Variants in FAM180B observed in about 807,000 individuals in gnomAD.
FAM180B encodes protein FAM180B.
In FAM180B, 14 loss-of-function variants were observed where a neutral mutation model predicts 13.6. That is an observed-to-expected ratio of 1.03 (90% CI 0.68 to 1.60). The LOEUF is 1.60. FAM180B is among the 40% of genes most tolerant of loss of function. The probability of loss-of-function intolerance (pLI) is 0.00; values close to 1 mark genes in which losing one functional copy is unlikely to be tolerated. For missense variants in FAM180B, 212 were observed against 230.4 expected (o/e 0.92, Z 0.52); for synonymous variants, 109 against 97.0 (o/e 1.12, Z -0.72).
At position 47,588,454 on chromosome 11, in the gene FAM180B, C is replaced by T. The variant is rs1462024629; in HGVS notation, c.*20C>T. The T allele has an allele frequency of 2.1e-6, 3 of 1,425,736 alleles. No homozygotes were observed. Among genetic ancestry groups the T allele is most frequent in the Middle Eastern group, 1.8e-4 (1 of 5,568 alleles). 88.3% of individuals were successfully genotyped at this position (1,425,736 alleles called of 1,614,324 possible). The stretch of plus-strand genomic sequence containing the variant: ...CCCTGACCCTCCTCTTTTGTTCTTT[C>T]ACCTGCCATTACCCCCTCCCATCTC... On this transcript the variant is annotated 3_prime_UTR_variant, in exon 3 of 3. Coordinates refer to ENST00000538490, the MANE Select transcript of FAM180B (RefSeq NM_001164379.3).
Position 47,588,692 on chromosome 11 carries a change from G to T in FAM180B, c.*258G>T. The stretch of plus-strand genomic sequence containing the variant: ...GCAAGGAGTGGGCACAGAGCTAAGG[G>T]CACGACTTGCAGGCAGTGTGTGTGT... On this transcript the variant is annotated 3_prime_UTR_variant, in exon 3 of 3. Coordinates refer to ENST00000538490, the MANE Select transcript of FAM180B (RefSeq NM_001164379.3). 2.2e-6 allele frequency: 1 copy of T among 464,738 alleles called. No individual in the cohort carries two copies. The allele number at this position is 464,738 out of a possible 1,614,324, so 28.8% of individuals were successfully genotyped here. A position where few individuals can be genotyped will look rare whatever the true frequency, so the allele number is the denominator to read the frequency against.
chr11:47,587,990 G>A (rs2097272597), intron 2 of FAM180B, 49 bp from the exon 3 acceptor site: 3 of 1,490,886 alleles, frequency 2.0e-6, no homozygotes, highest in Non-Finnish European at 2.7e-6. Context: ...CTTGCTCCCT[G>A]CCCTGCTCCC....
At position 47,588,360 on chromosome 11, in the gene FAM180B, T is replaced by G; in HGVS notation, c.478T>G (p.Cys160Gly). ...LLAQETLWDL[C>G]KGFCPQDRPP... ...GGCACAGGAAACACTCTGGGACCTG[T>G]GCAAAGGTTTCTGCCCCCAGGACCG... The change falls in exon 3 of 3, where the codon TGC becomes GGC. Residue 160 changes from cysteine (C) to glycine (G), a missense_variant. Coordinates refer to ENST00000538490, the MANE Select transcript of FAM180B (RefSeq NM_001164379.3). 2 of 1,534,834 alleles carry G rather than the reference T, an allele frequency of 1.3e-6. No homozygotes were observed. The highest frequency in any genetic ancestry group is 1.7e-6 in the Non-Finnish European group (2 of 1,145,084).
chr11:47,588,242 T>C lies in FAM180B; in HGVS notation c.360T>C (p.His120=), dbSNP rs1428172428. The change falls in exon 3 of 3, where the codon CAT becomes CAC. Residue 120 remains histidine, a synonymous_variant. Coordinates refer to ENST00000538490, the MANE Select transcript of FAM180B (RefSeq NM_001164379.3). ...CTCTTAGCACTTGGGACTTTGAACA[T>C]CTGCTCCTCACAGGCCTGTCCTGCG... is the stretch of plus-strand genomic sequence containing the variant. ...GPPLSTWDFE[H]LLLTGLSCVY... 2 of 1,536,932 alleles carry C rather than the reference T, an allele frequency of 1.3e-6. No homozygotes were observed. The highest frequency in any genetic ancestry group is 3.9e-5 in the Admixed American group (2 of 50,982).
At position 47,586,789 on chromosome 11, in the gene FAM180B, C is replaced by T; in HGVS notation, c.21C>T (p.Phe7=). 1 of 1,537,238 alleles carries T rather than the reference C, an allele frequency of 6.5e-7. No individual in the cohort carries two copies. Among genetic ancestry groups the T allele is most frequent in the Middle Eastern group, 1.7e-4 (1 of 5,990 alleles). ...TGAGCATGGCTGCGACCCTGCAGTT[C>T]CTGGTTTGCCTGGTGGTAGCCATTT... MAATLQ[F]LVCLVVAICL... The change falls in exon 1 of 3, where the codon TTC becomes TTT. Residue 7 remains phenylalanine, a synonymous_variant. Transcript: ENST00000538490.
At position 47,588,448 on chromosome 11, in the gene FAM180B, TTC is replaced by T; in HGVS notation, c.*16_*17del. 6.9e-7 allele frequency: 1 copy of T among 1,447,604 alleles called. No homozygotes were observed. Among genetic ancestry groups the T allele is most frequent in the Non-Finnish European group, 9.2e-7 (1 of 1,090,740 alleles). The allele number at this position is 1,447,604 out of a possible 1,614,324, so 89.7% of individuals were successfully genotyped here. A position where few individuals can be genotyped will look rare whatever the true frequency, so the allele number is the denominator to read the frequency against. On this transcript the variant is annotated 3_prime_UTR_variant, in exon 3 of 3. Coordinates refer to ENST00000538490, the MANE Select transcript of FAM180B (RefSeq NM_001164379.3). ...CCCTTCCCCTGACCCTCCTCTTTTGTTCTTTCACCTGCCATTACCCCCTCCCA... is the reference window on the plus strand; with the variant it reads ...CCCTTCCCCTGACCCTCCTCTTTTGTTTTCACCTGCCATTACCCCCTCCCA...
In FAM180B at chr11:47,588,419, T is replaced by C; in HGVS notation, c.537T>C (p.Leu179=). The part of the protein sequence containing the change: ...PPSLGSWASI[L]DPFP ...CCCTGGGGTCCTGGGCCTCCATCCT[T>C]GACCCCTTCCCCTGACCCTCCTCTT... The change falls in exon 3 of 3, where the codon CTT becomes CTC. Residue 179 remains leucine, a synonymous_variant. Coordinates refer to ENST00000538490, the MANE Select transcript of FAM180B (RefSeq NM_001164379.3). 1 of 1,499,616 alleles carries C rather than the reference T, an allele frequency of 6.7e-7. No individual in the cohort carries two copies. The highest frequency in any genetic ancestry group is 2.1e-5 in the Admixed American group (1 of 47,688). The allele number at this position is 1,499,616 out of a possible 1,614,324, so 92.9% of individuals were successfully genotyped here. A position where few individuals can be genotyped will look rare whatever the true frequency, so the allele number is the denominator to read the frequency against.
chr11:47,588,123 C>T lies in FAM180B; in HGVS notation c.241C>T (p.Arg81Ter), dbSNP rs540383221. 53 of 1,537,180 alleles carry T rather than the reference C, an allele frequency of 3.4e-5. No individual in the cohort carries two copies. The highest frequency in any genetic ancestry group is 3.2e-4 in the East Asian group (13 of 40,910). Residue 81 changes from arginine to a stop codon, truncating the protein, a stop_gained, in exon 3 of 3, where the codon CGA (arginine) becomes TGA (stop). Transcript: ENST00000538490. LOFTEE classifies it high-confidence loss of function. ...EELASTHPGR[R>*]LRLLLQHHVP... ...ACTAGCGTCCACACACCCAGGCCGC[C>T]GACTCAGACTCCTCCTGCAGCACCA... is the stretch of plus-strand genomic sequence containing the variant.
chr11:47,586,679 C>A lies in FAM180B; in HGVS notation c.-90C>A. The A allele has an allele frequency of 2.2e-6, 2 of 916,860 alleles. No individual in the cohort carries two copies. Among genetic ancestry groups the A allele is most frequent in the Non-Finnish European group, 3.4e-6 (2 of 579,754 alleles). 56.8% of individuals were successfully genotyped at this position (916,860 alleles called of 1,614,324 possible). On this transcript the variant is annotated 5_prime_UTR_variant, in exon 1 of 3. Transcript: ENST00000538490. ...CATTACAGAGCTCTGGAGCAGCCCG[C>A]AGTGGAAAGTTGGAGCTGAGGTGTG...
At chr11:47,587,724 G>A (rs1451121952) in intron 1 of FAM180B, 27 bp from the exon 2 acceptor site, 18 of 1,473,886 alleles carry the variant, frequency 1.2e-5, no homozygotes, top group Non-Finnish European at 1.5e-5. Context: ...AGCATGGCAG[G>A]GGCCTGACTC....
Position 47,588,071 on chromosome 11 carries a change from G to A in FAM180B, c.189G>A (p.Met63Ile). Residue 63 changes from methionine (M) to isoleucine (I), a missense_variant, in exon 3 of 3, where the codon ATG becomes ATA. Transcript: ENST00000538490. Reference sequence around the variant, plus strand: ...GGGCTGGGCTGGAGCTGGATGTCATGGGGCAGCTGCACATCCAGGATGAGG... The same window carrying A: ...GGGCTGGGCTGGAGCTGGATGTCATAGGGCAGCTGCACATCCAGGATGAGG... ...LLWAGLELDV[M>I]GQLHIQDEEL... 6.5e-7 allele frequency: 1 copy of A among 1,536,188 alleles called. No homozygotes were observed. The highest frequency in any genetic ancestry group is 8.7e-7 in the Non-Finnish European group (1 of 1,146,556).
chr11:47,587,858 G>A lies in FAM180B; in HGVS notation c.156+37G>A, dbSNP rs1279157004. On this transcript the variant is annotated intron_variant, in intron 2 of 2. Transcript: ENST00000538490. Reference sequence around the variant, plus strand: ...CAGCCTGGGACATGGGGGTGGGCACGTCCAGAGGTCCCTAAGCTCAGGGTT... The same window carrying A: ...CAGCCTGGGACATGGGGGTGGGCACATCCAGAGGTCCCTAAGCTCAGGGTT... 17 of 1,492,410 alleles carry A rather than the reference G, an allele frequency of 1.1e-5. No individual in the cohort carries two copies. The East Asian group carries it at 1.5e-4, about 13-fold the overall frequency. 92.4% of individuals were successfully genotyped at this position (1,492,410 alleles called of 1,614,324 possible).
chr11:47,588,204 C>T lies in FAM180B; in HGVS notation c.322C>T (p.Arg108Trp), dbSNP rs770121166. 1.5e-5 allele frequency: 23 copies of T among 1,536,946 alleles called. No homozygotes were observed. The highest frequency in any genetic ancestry group is 2.4e-5 in the East Asian group (1 of 40,920). Residue 108 changes from arginine (R) to tryptophan (W), a missense_variant, in exon 3 of 3, where the codon CGG becomes TGG. Transcript: ENST00000538490. ...EQWLQQLQDLRKGPPLSTWDF... is the reference protein window; with the variant it reads ...EQWLQQLQDLWKGPPLSTWDF... ...GTGGCTGCAGCAGCTCCAGGACCTGCGGAAGGGGCCTCCTCTTAGCACTTG... is the reference window on the plus strand; with the variant it reads ...GTGGCTGCAGCAGCTCCAGGACCTGTGGAAGGGGCCTCCTCTTAGCACTTG...
In FAM180B at chr11:47,588,433, G is replaced by A; in HGVS notation, c.551G>A (p.Ter184=). Reference sequence around the variant, plus strand: ...GCCTCCATCCTTGACCCCTTCCCCTGACCCTCCTCTTTTGTTCTTTCACCT... The same window carrying A: ...GCCTCCATCCTTGACCCCTTCCCCTAACCCTCCTCTTTTGTTCTTTCACCT... ...SWASILDPFP[*] Residue 184 remains the stop codon, a stop_retained_variant, in exon 3 of 3, where the codon TGA becomes TAA. Transcript: ENST00000538490. 3 of 1,478,892 alleles carry A rather than the reference G, an allele frequency of 2.0e-6. No homozygotes were observed. The highest frequency in any genetic ancestry group is 2.7e-6 in the Non-Finnish European group (3 of 1,112,772). The allele number at this position is 1,478,892 out of a possible 1,614,324, so 91.6% of individuals were successfully genotyped here.
chr11:47,586,684 G>C lies in FAM180B; in HGVS notation c.-85G>C. 1 of 987,706 alleles carries C rather than the reference G, an allele frequency of 1.0e-6. No individual in the cohort carries two copies. Among genetic ancestry groups the C allele is most frequent in the Non-Finnish European group, 1.6e-6 (1 of 644,458 alleles). The allele number at this position is 987,706 out of a possible 1,614,324, so 61.2% of individuals were successfully genotyped here. Reference sequence around the variant, plus strand: ...CAGAGCTCTGGAGCAGCCCGCAGTGGAAAGTTGGAGCTGAGGTGTGTGGCA... The same window carrying C: ...CAGAGCTCTGGAGCAGCCCGCAGTGCAAAGTTGGAGCTGAGGTGTGTGGCA... On this transcript the variant is annotated 5_prime_UTR_variant, in exon 1 of 3. Transcript: ENST00000538490.
intron 2 of FAM180B, 89 bp from the exon 3 acceptor site, chr11:47,587,950 G>A: frequency 7.0e-7 from 1 of 1,426,430 alleles, no homozygotes; most frequent in South Asian, 1.4e-5. Context: ...GCGTCCTGCT[G>A]CCTGCTTCTG....
upstream of FAM180B, chr11:47,586,676 C>G (rs2097271722): frequency 1.1e-6 from 1 of 907,026 alleles, no homozygotes; most frequent in African/African-American, 1.6e-5. Context: ...CTGGAGCAGC[C>G]CGCAGTGGAA....
Position 47,588,719 on chromosome 11 carries a change from AGTGTGTGT to A in FAM180B, c.*315_*322del, listed in dbSNP as rs58699057. On this transcript the variant is annotated 3_prime_UTR_variant, in exon 3 of 3. Coordinates refer to ENST00000538490, the MANE Select transcript of FAM180B (RefSeq NM_001164379.3). ...ACGACTTGCAGGCAGTGTGTGTGTGAGTGTGTGTGTGTGTGTGTGTGTGTGTGTGTGTG... is the reference window on the plus strand; with the variant it reads ...ACGACTTGCAGGCAGTGTGTGTGTGAGTGTGTGTGTGTGTGTGTGTGTGTG... 9,893 of 213,720 alleles carry A rather than the reference AGTGTGTGT, an allele frequency of 0.046. 766 individuals are homozygous for A. The highest frequency in any genetic ancestry group is 0.079 in the Admixed American group (1,397 of 17,582). 13.2% of individuals were successfully genotyped at this position (213,720 alleles called of 1,614,324 possible). A position where few individuals can be genotyped will look rare whatever the true frequency, so the allele number is the denominator to read the frequency against.
upstream of FAM180B, chr11:47,586,662 A>G: frequency 1.2e-6 from 1 of 808,908 alleles, no homozygotes; most frequent in Non-Finnish European, 2.1e-6. Flanking sequence ...CGCATTACAG[A>G]GCTCTGGAGC....
Sources: gnomAD v4.1 joint callset for allele counts on GRCh38, gnomAD v4.1.1 for gene constraint, MANE v1.5 for transcripts, NCBI Gene and HGNC (gene_info 2026-07-23, HGNC 2026-07-21) for gene names.